NBDY: variants seen among roughly 807,000 people sequenced by gnomAD.
NBDY encodes the protein negative regulator of P-body association.
intron 2 of NBDY, among the ~76,000 whole-genome samples, chrX:56,807,507 G>A (rs1316284612): frequency 9.0e-6 from 1 of 111,325 alleles, no homozygotes; most frequent in African/African-American, 3.3e-5. Flanking sequence ...GTAGTTTGTA[G>A]TTATCCTTAA....
chrX:56,753,654 A>T (rs759484158), intron 2 of NBDY, among the ~76,000 whole-genome samples: 9 of 111,969 alleles, frequency 8.0e-5, no homozygotes, highest in African/African-American at 2.9e-4. Context: ...AAAAAAAAGT[A>T]AAAAAGGTAA....
chrX:56,815,797 G>A (rs2069908304), intron 2 of NBDY, among the ~76,000 whole-genome samples: 1 of 111,548 alleles, frequency 9.0e-6, no homozygotes, highest in Non-Finnish European at 1.9e-5. Flanking sequence ...CTCATTTTTT[G>A]TAACAACAAA....
chrX:56,794,718 T>G (rs1373473702), intron 2 of NBDY, among the ~76,000 whole-genome samples: 1 of 112,102 alleles, frequency 8.9e-6, no homozygotes, highest in Non-Finnish European at 1.9e-5. Flanking sequence ...GATTCCTCTA[T>G]GAATCTGCAC....
At chrX:56,746,042 G>A (rs2069556148) in intron 2 of NBDY, among the ~76,000 whole-genome samples, 1 of 111,457 alleles carries the variant, frequency 9.0e-6, no homozygotes, top group Admixed American at 9.5e-5. Flanking sequence ...CATATTCCAT[G>A]TCTAGGTTAC....
At chrX:56,756,912 G>T (rs759059223) in intron 2 of NBDY, among the ~76,000 whole-genome samples, 1 of 110,424 alleles carries the variant, frequency 9.1e-6, no homozygotes, top group South Asian at 3.9e-4. Context: ...CCGAGATTGC[G>T]CCACTCCACT....
rs190585780 is a variant in NBDY at position 56,812,431 on chromosome X, C to T, written c.*167-4889C>T. Among the ~76,000 whole-genome samples, 48 of 110,332 alleles carry T rather than the reference C, an allele frequency of 4.4e-4. No homozygotes were observed. The East Asian group carries it at 7.2e-3, about 16-fold the overall frequency. On this transcript the variant is annotated intron_variant, in intron 2 of 2. Transcript: ENST00000374922. Reference sequence around the variant, plus strand: ...CTGATTACCTCTTTTTCTTGGTGTCCGGTTTCTCCCCATTTTTCATCTCTC... The same window carrying T: ...CTGATTACCTCTTTTTCTTGGTGTCTGGTTTCTCCCCATTTTTCATCTCTC...
chrX:56,749,605 T>G (rs1322746821), intron 2 of NBDY, among the ~76,000 whole-genome samples: 1 of 111,272 alleles, frequency 9.0e-6, no homozygotes, highest in Non-Finnish European at 1.9e-5. Flanking sequence ...TGTATATTTT[T>G]TGCATACTTC....
intron 2 of NBDY, among the ~76,000 whole-genome samples, chrX:56,799,793 G>A (rs2069813069): frequency 8.9e-6 from 1 of 112,703 alleles, no homozygotes; most frequent in African/African-American, 3.2e-5. Flanking sequence ...AACTGCCCAA[G>A]CAGCACCCAC....
intron 2 of NBDY, among the ~76,000 whole-genome samples, chrX:56,750,101 T>C (rs964958728): frequency 1.8e-5 from 2 of 111,919 alleles, no homozygotes; most frequent in Admixed American, 9.5e-5. Flanking sequence ...TTGGAAACCA[T>C]TGGCACAGGA....
chrX:56,736,316 G>T (rs1333563872), intron 2 of NBDY, among the ~76,000 whole-genome samples: 1 of 112,040 alleles, frequency 8.9e-6, no homozygotes, highest in Non-Finnish European at 1.9e-5. Flanking sequence ...TCAGGCTGAA[G>T]TGCAGTGGCG....
chrX:56,813,456 C>A (rs1448030713), intron 2 of NBDY, among the ~76,000 whole-genome samples: 1 of 111,028 alleles, frequency 9.0e-6, no homozygotes, highest in East Asian at 2.8e-4. Flanking sequence ...CTCACACAGG[C>A]AGATGCCCAC....
At chrX:56,785,629 G>A (rs1002031245) in intron 2 of NBDY, among the ~76,000 whole-genome samples, 6 of 111,520 alleles carry the variant, frequency 5.4e-5, no homozygotes, top group African/African-American at 2.0e-4. Context: ...TGGGGCAGTA[G>A]AGAGCAGGGC....
intron 2 of NBDY, among the ~76,000 whole-genome samples, chrX:56,738,769 C>G (rs2069511026): frequency 9.0e-6 from 1 of 111,593 alleles, no homozygotes; most frequent in African/African-American, 3.3e-5. Flanking sequence ...TGTCACCTTT[C>G]TGAAATCCTC....
chrX:56,786,727 T>C (rs2146730714), intron 2 of NBDY, among the ~76,000 whole-genome samples: 1 of 110,524 alleles, frequency 9.0e-6, no homozygotes, highest in South Asian at 3.9e-4. Flanking sequence ...CTTCAGCTTT[T>C]TTTCCCCCCT....
At chrX:56,741,260 C>G (rs1370698906) in intron 2 of NBDY, among the ~76,000 whole-genome samples, 1 of 111,698 alleles carries the variant, frequency 9.0e-6, no homozygotes, top group Non-Finnish European at 1.9e-5. Context: ...CCTTAGGTTG[C>G]TTCTAAATCT....
At chrX:56,812,471 G>A (rs963884362) in intron 2 of NBDY, among the ~76,000 whole-genome samples, 2 of 109,962 alleles carry the variant, frequency 1.8e-5, no homozygotes, top group East Asian at 2.9e-4. Context: ...CATTTCCAGA[G>A]TCCTTCCCTC....
chrX:56,790,389 C>G (rs774241451), intron 2 of NBDY, among the ~76,000 whole-genome samples: 1 of 112,174 alleles, frequency 8.9e-6, no homozygotes, highest in Non-Finnish European at 1.9e-5. Flanking sequence ...GTGAACCACT[C>G]TCACATCACA....
At chrX:56,735,044 T>G (rs897696139) in intron 2 of NBDY, among the ~76,000 whole-genome samples, 2 of 112,143 alleles carry the variant, frequency 1.8e-5, no homozygotes, top group Admixed American at 9.4e-5. Flanking sequence ...TCTGAATCAC[T>G]CTACCATTCT....
intron 2 of NBDY, among the ~76,000 whole-genome samples, chrX:56,734,333 A>T (rs1243834463): frequency 1.1e-4 from 12 of 112,020 alleles, no homozygotes; most frequent in Non-Finnish European, 1.9e-4. Flanking sequence ...GAGTGATACT[A>T]GGTAGTGCAC....
Sources: gnomAD v4.1 joint callset for allele counts (sites outside exome capture counted in the v4.1 genomes callset) on GRCh38, gnomAD v4.1.1 for gene constraint, MANE v1.5 for transcripts, NCBI Gene and HGNC (gene_info 2026-07-23, HGNC 2026-07-21) for gene names.